The following NTRK2 variants were observed in gnomAD, a reference collection of about 807,000 sequenced individuals.
The protein encoded by NTRK2 is neurotrophic receptor tyrosine kinase 2.
A neutral mutation model predicts 94.5 loss-of-function variants in NTRK2; 13 were observed. The ratio of observed to expected loss-of-function variants is 0.14; its 90% CI spans 0.09 to 0.22. The LOEUF is 0.22. Among genes scored for constraint, NTRK2 ranks in the 10% least tolerant of loss-of-function variants. The pLI, the probability that NTRK2 is intolerant of heterozygous loss-of-function variation, is 1.00. For synonymous variants in NTRK2, 372 were observed against 407.4 expected (o/e 0.91, Z 1.05); for missense variants, 639 against 1,071.2 (o/e 0.60, Z 5.63).
chr9:84,821,330 C>A (rs1036916), intron 12 of NTRK2, among the ~76,000 whole-genome samples: 101,638 of 151,188 alleles, frequency 0.67, 34,394 homozygotes, highest in South Asian at 0.75. Context: ...TACACACACA[C>A]ACACACACAC....
At chr9:84,975,081 C>T (rs879675802) in intron 17 of NTRK2, among the ~76,000 whole-genome samples, 6 of 152,088 alleles carry the variant, frequency 3.9e-5, no homozygotes, top group South Asian at 2.1e-4. Flanking sequence ...CACCCTCCCC[C>T]GGGGGAGCAC....
intron 15 of NTRK2, among the ~76,000 whole-genome samples, chr9:84,945,216 T>C (rs1237171514): frequency 6.6e-6 from 1 of 152,204 alleles, no homozygotes; most frequent in Non-Finnish European, 1.5e-5. Flanking sequence ...TGTTCAACTT[T>C]TCCAGATGAT....
chr9:85,020,093 CAATT>C (rs1448707710), intron 17 of NTRK2, 109 bp from the exon 18 acceptor site: 7 of 1,122,962 alleles, frequency 6.2e-6, no homozygotes, highest in Non-Finnish European at 9.5e-6. Flanking sequence ...TGTTTATAAA[CAATT>C]AAAACTATAA....
At chr9:84,959,493 G>A (rs1463036585) in intron 17 of NTRK2, among the ~76,000 whole-genome samples, 1 of 152,218 alleles carries the variant, frequency 6.6e-6, no homozygotes, top group East Asian at 1.9e-4. Flanking sequence ...TTCATGGCAG[G>A]AGGGGCGGGT....
intron 14 of NTRK2, chr9:84,874,971 G>A (rs201377202): frequency 1.8e-4 from 194 of 1,054,396 alleles, no homozygotes; most frequent in Admixed American, 2.7e-4. Flanking sequence ...CCTAAAATGG[G>A]TATTTTAAAA....
chr9:84,818,156 T>G (rs2133659669), intron 12 of NTRK2, among the ~76,000 whole-genome samples: 1 of 152,240 alleles, frequency 6.6e-6, no homozygotes. Flanking sequence ...ATTAGGAAAC[T>G]GAGGAATGGA....
chr9:84,829,843 C>T (rs2073422910), intron 12 of NTRK2, among the ~76,000 whole-genome samples: 1 of 152,224 alleles, frequency 6.6e-6, no homozygotes, highest in Non-Finnish European at 1.5e-5. Context: ...TCCTGGACTG[C>T]TGCTGCCTTT....
chr9:84,974,899 T>G (rs1472677633), intron 17 of NTRK2, among the ~76,000 whole-genome samples: 2 of 152,164 alleles, frequency 1.3e-5, no homozygotes, highest in Non-Finnish European at 2.9e-5. Flanking sequence ...GGGTGTGGCA[T>G]ATTTCCAGGA....
At chr9:84,914,639 G>A (rs576964052) in intron 14 of NTRK2, among the ~76,000 whole-genome samples, 8 of 152,234 alleles carry the variant, frequency 5.3e-5, no homozygotes, top group South Asian at 2.1e-4. Context: ...ATGGTGGTTC[G>A]CTGGAGTATA....
At chr9:84,792,975 T>A (rs2068882045) in intron 12 of NTRK2, among the ~76,000 whole-genome samples, 2 of 152,204 alleles carry the variant, frequency 1.3e-5, no homozygotes, top group African/African-American at 4.8e-5. Context: ...TAGCTGTAAC[T>A]ACCATCAGTA....
In NTRK2 at chr9:84,670,661, A is replaced by G; in HGVS notation, c.-88A>G. ...GCACCGAGGAGTTAAGAGAGCCGCA[A>G]GCGCAGGGAAGGCCTCCCCGCACGG... On this transcript the variant is annotated 5_prime_UTR_variant, in exon 2 of 19. Transcript: ENST00000277120. The G allele has an allele frequency of 7.5e-7, 1 of 1,329,010 alleles. No individual in the cohort carries two copies. Among genetic ancestry groups the G allele is most frequent in the South Asian group, 1.2e-5 (1 of 84,886 alleles). 82.3% of individuals were successfully genotyped at this position (1,329,010 alleles called of 1,614,324 possible).
At chr9:84,972,358 G>A (rs915661374) in intron 17 of NTRK2, among the ~76,000 whole-genome samples, 2 of 152,212 alleles carry the variant, frequency 1.3e-5, no homozygotes, top group Non-Finnish European at 2.9e-5. Flanking sequence ...GTGTCCAAGT[G>A]TAGGTTTTCC....
intron 12 of NTRK2, among the ~76,000 whole-genome samples, chr9:84,794,826 C>T (rs2089440999): frequency 6.6e-6 from 1 of 152,090 alleles, no homozygotes; most frequent in Admixed American, 6.5e-5. Flanking sequence ...AAAAAGAAAT[C>T]ACAGAAATCT....
chr9:85,024,727 T>G lies in NTRK2; in HGVS notation c.*3290T>G, dbSNP rs1226470793. The G allele has an allele frequency of 1.3e-5, 3 of 233,002 alleles. No homozygotes were observed. The highest frequency in any genetic ancestry group is 2.5e-5 in the Non-Finnish European group (3 of 117,964). 14.4% of individuals were successfully genotyped at this position (233,002 alleles called of 1,614,324 possible). A position where few individuals can be genotyped will look rare whatever the true frequency, so the allele number is the denominator to read the frequency against. The stretch of plus-strand genomic sequence containing the variant: ...CAGGAGATGACAAGCAACTGAGATA[T>G]TGTGATATATAATCATGCTCTTAGC... On this transcript the variant is annotated 3_prime_UTR_variant, in exon 19 of 19. Coordinates refer to ENST00000277120, the MANE Select transcript of NTRK2 (RefSeq NM_006180.6).
intron 14 of NTRK2, among the ~76,000 whole-genome samples, chr9:84,932,422 C>G (rs566441547): frequency 5.1e-4 from 78 of 152,262 alleles, no homozygotes; most frequent in African/African-American, 1.8e-3. Flanking sequence ...AAAGAACACA[C>G]TGGTGCTTCA....
chr9:84,901,804 C>G (rs1431357645), intron 14 of NTRK2, among the ~76,000 whole-genome samples: 1 of 152,170 alleles, frequency 6.6e-6, no homozygotes, highest in African/African-American at 2.4e-5. Context: ...CCATAATTCC[C>G]TCTGTACAGA....
intron 2 of NTRK2, among the ~76,000 whole-genome samples, chr9:84,676,646 C>T (rs2059073350): frequency 6.6e-6 from 1 of 152,248 alleles, no homozygotes; most frequent in African/African-American, 2.4e-5. Context: ...CTTCTCCTAG[C>T]ATCCAAATGA....
intron 10 of NTRK2, among the ~76,000 whole-genome samples, chr9:84,743,127 A>G (rs928518028): frequency 1.3e-5 from 2 of 152,032 alleles, no homozygotes; most frequent in Admixed American, 6.5e-5. Context: ...GGAATATCGC[A>G]TCTCTCCTTT....
intron 6 of NTRK2, among the ~76,000 whole-genome samples, chr9:84,710,997 G>C (rs1218922855): frequency 6.6e-6 from 1 of 152,174 alleles, no homozygotes; most frequent in Non-Finnish European, 1.5e-5. Context: ...AAAGTGCATA[G>C]AGAAAAAGTA....
Sources: gnomAD v4.1 joint callset for allele counts (sites outside exome capture counted in the v4.1 genomes callset) on GRCh38, gnomAD v4.1.1 for gene constraint, MANE v1.5 for transcripts, NCBI Gene and HGNC (gene_info 2026-07-23, HGNC 2026-07-21) for gene names.